SHB: variants seen among roughly 807,000 people sequenced by gnomAD.
SHB encodes the protein SH2 domain containing adaptor protein B.
SHB carries 20 observed loss-of-function variants against 52.3 expected under a neutral mutation model. The observed-to-expected ratio is 0.38, with a 90% CI of 0.27 to 0.56. The LOEUF is 0.56. SHB is among the 20% of genes least tolerant of loss of function. The pLI is 0.71. For synonymous variants in SHB, 397 were observed against 316.5 expected (o/e 1.25, Z -2.70); for missense variants, 825 against 723.3 (o/e 1.14, Z -1.61).
At chr9:38,044,371 A>G (rs1028088619) in intron 1 of SHB, among the ~76,000 whole-genome samples, 2 of 152,160 alleles carry the variant, frequency 1.3e-5, no homozygotes, top group Admixed American at 6.5e-5. Flanking sequence ...TCTCTTTCTA[A>G]TCTAATTCAT....
rs199871614 is a variant in SHB at position 38,055,381 on chromosome 9, G to GA, written c.717+12547dup. Among the ~76,000 whole-genome samples, 1,434 of 152,226 alleles carry GA rather than the reference G, an allele frequency of 9.4e-3. 9 individuals carry two copies. Among genetic ancestry groups the GA allele is most frequent in the African/African-American group, 0.016 (665 of 41,524 alleles). The stretch of plus-strand genomic sequence containing the variant: ...AAGAGAAACAGGCTATAGTGGTCTG[G>GA]AAAAAAATCTCTCACTGATTGAAGA... On this transcript the variant is annotated intron_variant, in intron 1 of 5. Transcript: ENST00000377707.
At chr9:38,033,579 T>C (rs1821444681) in intron 1 of SHB, among the ~76,000 whole-genome samples, 1 of 152,224 alleles carries the variant, frequency 6.6e-6, no homozygotes, top group African/African-American at 2.4e-5. Context: ...TCGGAAGGGC[T>C]TGGAGAGGGT....
intron 5 of SHB, among the ~76,000 whole-genome samples, chr9:37,921,834 G>A (rs1159166327): frequency 6.6e-6 from 1 of 152,258 alleles, no homozygotes; most frequent in Non-Finnish European, 1.5e-5. Context: ...ATCTGTGCCA[G>A]TTTGGAAAGG....
chr9:37,925,565 G>C (rs1245475478), intron 5 of SHB, among the ~76,000 whole-genome samples: 1 of 152,206 alleles, frequency 6.6e-6, no homozygotes, highest in African/African-American at 2.4e-5. Context: ...AATAAAACAT[G>C]AAAGTGAGAC....
At chr9:37,957,962 G>T (rs1832654142) in intron 3 of SHB, among the ~76,000 whole-genome samples, 1 of 152,204 alleles carries the variant, frequency 6.6e-6, no homozygotes, top group South Asian at 2.1e-4. Context: ...CAGAGTGACT[G>T]GAAGGGAGTT....
intron 5 of SHB, among the ~76,000 whole-genome samples, chr9:37,940,104 A>C (rs946005508): frequency 6.6e-6 from 1 of 152,162 alleles, no homozygotes; most frequent in Non-Finnish European, 1.5e-5. Flanking sequence ...TCAGAGGCAG[A>C]GCTAGGATTT....
At chr9:38,030,471 A>G (rs1414751333) in intron 1 of SHB, among the ~76,000 whole-genome samples, 1 of 152,202 alleles carries the variant, frequency 6.6e-6, no homozygotes, top group Non-Finnish European at 1.5e-5. Context: ...GCTCTAAGTC[A>G]GGCATAACGG....
chr9:37,966,085 C>T lies in SHB; in HGVS notation c.1054+8537G>A, dbSNP rs370610262. 9.9e-5 allele frequency among the ~76,000 whole-genome samples: 15 copies of T among 152,270 alleles called. No homozygotes were observed. The South Asian group carries it at 2.1e-3, about 21-fold the overall frequency. Reference sequence around the variant, plus strand: ...AGCTCCTGACCTCAGGTGATCCACCCGCCACAGCCTCCCAAAGTGCTGGGA... The same window carrying T: ...AGCTCCTGACCTCAGGTGATCCACCTGCCACAGCCTCCCAAAGTGCTGGGA... On this transcript the variant is annotated intron_variant, in intron 3 of 5. Coordinates refer to ENST00000377707, the MANE Select transcript of SHB (RefSeq NM_003028.3).
intron 1 of SHB, among the ~76,000 whole-genome samples, chr9:38,043,889 CAA>C (rs56809865): frequency 5.4e-5 from 7 of 129,752 alleles, no homozygotes; most frequent in Non-Finnish European, 8.5e-5. Flanking sequence ...AACTCCGTCT[CAA>C]AAAAAAAAAA....
intron 2 of SHB, among the ~76,000 whole-genome samples, chr9:37,997,885 C>T (rs930070433): frequency 3.3e-5 from 5 of 152,176 alleles, no homozygotes; most frequent in African/African-American, 9.7e-5. Flanking sequence ...ACAACAAGGC[C>T]CTGGGGGCCT....
chr9:37,929,063 C>CAT (rs1832283274), intron 5 of SHB, among the ~76,000 whole-genome samples: 2 of 152,234 alleles, frequency 1.3e-5, no homozygotes, highest in African/African-American at 4.8e-5. Context: ...CCTTGGGGTG[C>CAT]CTGAGGATGG....
chr9:37,987,323 T>C (rs1335272070), intron 2 of SHB, among the ~76,000 whole-genome samples: 1 of 152,184 alleles, frequency 6.6e-6, no homozygotes, highest in Non-Finnish European at 1.5e-5. Context: ...GACAACCCCA[T>C]GAGGTGGTAC....
intron 1 of SHB, among the ~76,000 whole-genome samples, chr9:38,018,665 C>T (rs1189960545): frequency 3.3e-5 from 5 of 152,030 alleles, no homozygotes; most frequent in African/African-American, 9.7e-5. Flanking sequence ...AAACACTACA[C>T]TGAACTGTCT....
Position 37,974,660 on chromosome 9 carries a change from G to T in SHB, c.1016C>A (p.Pro339His). The T allele has an allele frequency of 6.2e-7, 1 of 1,613,844 alleles. No individual in the cohort carries two copies. Among genetic ancestry groups the T allele is most frequent in the Non-Finnish European group, 8.5e-7 (1 of 1,179,968 alleles). ...DDRPADEYDQ[P>H]WEWNRVTIPA... is the part of the protein sequence containing the mutation. ...GATGGTGACCCGGTTCCACTCCCAA[G>T]GCTGGTCGTACTCATCGGCGGGCCT... The change falls in exon 3 of 6, where the codon CCT becomes CAT. Residue 339 changes from proline to histidine, a missense_variant. By Grantham distance (77) the Pro-to-His change is moderately conservative (BLOSUM62 -2). Coordinates refer to ENST00000377707, the MANE Select transcript of SHB (RefSeq NM_003028.3).
rs746305060 is a variant in SHB at position 37,948,629 on chromosome 9, A to G, written c.1346+6T>C. ...GAGGGCTGGGGGTGCTCGGGGCGGC[A>G]CTCACCTCAGGGAGAGGGAGTAGTC... On this transcript the variant is annotated splice_donor_region_variant and intron_variant, in intron 5 of 5. Coordinates refer to ENST00000377707, the MANE Select transcript of SHB (RefSeq NM_003028.3). 2.5e-6 allele frequency: 4 copies of G among 1,613,044 alleles called. No homozygotes were observed. In the Admixed American group the frequency reaches 6.7e-5, roughly 27 times the overall value.
At chr9:37,941,171 G>T (rs141061572) in intron 5 of SHB, among the ~76,000 whole-genome samples, 6 of 152,294 alleles carry the variant, frequency 3.9e-5, no homozygotes, top group Non-Finnish European at 8.8e-5. Context: ...CACAGATGGA[G>T]ACTTCCAGGT....
At chr9:37,941,013 G>A (rs1340144682) in intron 5 of SHB, among the ~76,000 whole-genome samples, 1 of 152,226 alleles carries the variant, frequency 6.6e-6, no homozygotes, top group African/African-American at 2.4e-5. Context: ...AACGTACAGA[G>A]TGCAAGAGAG....
chr9:38,066,019 G>C (rs1188232697), intron 1 of SHB, among the ~76,000 whole-genome samples: 1 of 152,098 alleles, frequency 6.6e-6, no homozygotes, highest in African/African-American at 2.4e-5. Flanking sequence ...TCTCATCATA[G>C]CACTCATCAC....
rs759704872 is a variant in SHB, at chr9:37,974,605, G to A, written c.1054+17C>T. The A allele has an allele frequency of 1.9e-6, 3 of 1,606,176 alleles. No individual in the cohort carries two copies. The Admixed American group carries it at 5.1e-5, about 27-fold the overall frequency. ...CAGCTCAGCAGCTGCCTCCTGAGCA[G>A]GGTCAGGGCTCCTTACCTGCCAGGG... On this transcript the variant is annotated intron_variant, in intron 3 of 5. Transcript: ENST00000377707.
Sources: allele counts gnomAD v4.1 joint callset (sites outside exome capture counted in the v4.1 genomes callset), GRCh38; gene constraint gnomAD v4.1.1; transcripts MANE v1.5; gene names NCBI Gene and HGNC (gene_info 2026-07-23, HGNC 2026-07-21).